Variants in YAP1 observed in about 807,000 individuals in gnomAD.
The protein encoded by YAP1 is transcriptional coactivator YAP1.
A neutral mutation model predicts 56.9 loss-of-function variants in YAP1; 5 were observed. The observed-to-expected ratio is 0.09, with a 90% CI of 0.05 to 0.18. The LOEUF (loss-of-function observed/expected upper bound fraction) is 0.18, where lower values mean the gene tolerates loss of function less well. YAP1 is among the 10% of genes least tolerant of loss of function. The pLI is 1.00. For synonymous variants in YAP1, 265 were observed against 248.1 expected (o/e 1.07, Z -0.64); for missense variants, 539 against 651.8 (o/e 0.83, Z 1.88).
intron 3 of YAP1, among the ~76,000 whole-genome samples, chr11:102,166,242 G>C (rs549565829): frequency 2.6e-5 from 4 of 152,310 alleles, no homozygotes; most frequent in African/African-American, 9.6e-5. Context: ...TGCTGATCAA[G>C]TGCTGAGGGT....
intron 4 of YAP1, among the ~76,000 whole-genome samples, chr11:102,199,538 G>GT (rs968837169): frequency 4.0e-5 from 6 of 151,886 alleles, no homozygotes; most frequent in African/African-American, 7.3e-5. Flanking sequence ...TAATAAATAT[G>GT]TTTTTTTTCC....
intron 4 of YAP1, among the ~76,000 whole-genome samples, chr11:102,199,657 A>G (rs1339709260): frequency 6.6e-6 from 1 of 152,226 alleles, no homozygotes; most frequent in Non-Finnish European, 1.5e-5. Context: ...AAAAAGACAC[A>G]ACTAGGGTAG....
chr11:102,195,018 A>G (rs947060708), intron 4 of YAP1, among the ~76,000 whole-genome samples: 1 of 151,994 alleles, frequency 6.6e-6, no homozygotes, highest in Non-Finnish European at 1.5e-5. Context: ...TCAGCCTCCC[A>G]AGTAGCTGGT....
At chr11:102,202,154 G>T (rs1027701212) in intron 4 of YAP1, among the ~76,000 whole-genome samples, 1 of 151,546 alleles carries the variant, frequency 6.6e-6, no homozygotes, top group Non-Finnish European at 1.5e-5. Context: ...CAGAGTATCA[G>T]AATTATTATT....
chr11:102,148,252 A>G (rs1271110756), intron 2 of YAP1, among the ~76,000 whole-genome samples: 1 of 152,208 alleles, frequency 6.6e-6, no homozygotes, highest in African/African-American at 2.4e-5. Flanking sequence ...AGCTGCAAGT[A>G]AACATCTGAC....
intron 2 of YAP1, among the ~76,000 whole-genome samples, chr11:102,118,361 A>T (rs1565422410): frequency 1.3e-5 from 2 of 151,912 alleles, no homozygotes; most frequent in Non-Finnish European, 2.9e-5. Flanking sequence ...TTTTTCAGAG[A>T]TTTTTGACAT....
intron 3 of YAP1, among the ~76,000 whole-genome samples, chr11:102,175,778 G>A (rs1184605702): frequency 6.6e-6 from 1 of 152,174 alleles, no homozygotes; most frequent in Non-Finnish European, 1.5e-5. Context: ...AAGAGGTAAT[G>A]CATTGCACTA....
At chr11:102,119,640 T>C (rs1387457539) in intron 2 of YAP1, among the ~76,000 whole-genome samples, 6 of 126,106 alleles carry the variant, frequency 4.8e-5, no homozygotes, top group Admixed American at 8.5e-5. Flanking sequence ...AGTTGAAACT[T>C]GGAAAAAAAA....
At chr11:102,117,113 G>T (rs959664196) in intron 2 of YAP1, among the ~76,000 whole-genome samples, 3 of 152,136 alleles carry the variant, frequency 2.0e-5, no homozygotes, top group Non-Finnish European at 2.9e-5. Context: ...AGACAAATGA[G>T]ATTAATATCC....
rs73583921 is a variant in YAP1, at chr11:102,206,084, C to T, written c.984+10C>T. The T allele has an allele frequency of 3.4e-4, 546 of 1,610,568 alleles. 3 individuals are homozygous for T. In the African/African-American group the frequency reaches 6.6e-3, roughly 19 times the overall value. On this transcript the variant is annotated intron_variant, in intron 5 of 8. Transcript: ENST00000282441. ...AGAACTGCTTCGGCAGGTGAGGCCA[C>T]AGGTTAGAAACCAGCCTTCCACTTT...
intron 3 of YAP1, among the ~76,000 whole-genome samples, chr11:102,182,313 T>A (rs1407807574): frequency 6.6e-6 from 1 of 152,242 alleles, no homozygotes; most frequent in Non-Finnish European, 1.5e-5. Flanking sequence ...GCATCCTAAA[T>A]TGATTTTGAT....
chr11:102,191,848 T>C (rs556064531), intron 4 of YAP1, among the ~76,000 whole-genome samples: 133 of 152,182 alleles, frequency 8.7e-4, no homozygotes, highest in African/African-American at 3.1e-3. Flanking sequence ...TTTTTTTGTG[T>C]TTTTAGTAGA....
At chr11:102,141,952 T>C (rs542622593) in intron 2 of YAP1, among the ~76,000 whole-genome samples, 2 of 152,240 alleles carry the variant, frequency 1.3e-5, no homozygotes, top group African/African-American at 4.8e-5. Flanking sequence ...GTAAGAACTT[T>C]TGCAGCTCTA....
chr11:102,180,906 G>C (rs1325749344), intron 3 of YAP1, among the ~76,000 whole-genome samples: 2 of 151,980 alleles, frequency 1.3e-5, no homozygotes, highest in Non-Finnish European at 2.9e-5. Flanking sequence ...CACCACTTTG[G>C]GAGGTCGAGG....
intron 2 of YAP1, among the ~76,000 whole-genome samples, chr11:102,126,353 T>A (rs1259499309): frequency 6.6e-6 from 1 of 152,188 alleles, no homozygotes; most frequent in Non-Finnish European, 1.5e-5. Flanking sequence ...GTGAATTTTA[T>A]CTCCCAGAAT....
At chr11:102,199,013 TG>T (rs1431437338) in intron 4 of YAP1, among the ~76,000 whole-genome samples, 1 of 152,166 alleles carries the variant, frequency 6.6e-6, no homozygotes, top group Non-Finnish European at 1.5e-5. Flanking sequence ...AGAGAATGTA[TG>T]TGTATGTCTA....
chr11:102,144,416 TAAAGTA>T (rs1215894840), intron 2 of YAP1, among the ~76,000 whole-genome samples: 10 of 152,226 alleles, frequency 6.6e-5, no homozygotes, highest in Non-Finnish European at 1.5e-4. Flanking sequence ...CTCTGCTATT[TAAAGTA>T]AGTCACCTGT....
intron 4 of YAP1, 58 bp downstream of exon 4, chr11:102,186,189 A>G: frequency 6.4e-7 from 1 of 1,560,690 alleles, no homozygotes; most frequent in Non-Finnish European, 8.7e-7. Flanking sequence ...TTTTTTGTAA[A>G]TATACTTCGG....
chr11:102,161,058 T>C (rs1314193735), intron 2 of YAP1, among the ~76,000 whole-genome samples: 4 of 129,428 alleles, frequency 3.1e-5, no homozygotes, highest in Non-Finnish European at 4.9e-5. Context: ...TCTTTCTTTT[T>C]TTTTTTTTTT....
Sources: gnomAD v4.1 joint callset for allele counts (sites outside exome capture counted in the v4.1 genomes callset) on GRCh38, gnomAD v4.1.1 for gene constraint, MANE v1.5 for transcripts, NCBI Gene and HGNC (gene_info 2026-07-23, HGNC 2026-07-21) for gene names.